Variants in SNCAIP observed in about 807,000 individuals in gnomAD.
The protein encoded by SNCAIP is synphilin-1.
In SNCAIP, 43 loss-of-function variants were observed where a neutral mutation model predicts 86.7. The observed-to-expected ratio is 0.50, with a 90% CI of 0.39 to 0.64. The LOEUF is 0.64. Ranked by LOEUF, SNCAIP falls within the 30% of genes least tolerant of loss-of-function variation. The pLI, the probability that SNCAIP is intolerant of heterozygous loss-of-function variation, is 0.00. For synonymous variants in SNCAIP, 417 were observed against 427.2 expected (o/e 0.98, Z 0.29); for missense variants, 981 against 1,103.1 (o/e 0.89, Z 1.57).
At chr5:122,327,448 ATAATCCC>A (rs573215732) in intron 1 of SNCAIP, among the ~76,000 whole-genome samples, 248 of 152,268 alleles carry the variant, frequency 1.6e-3, no homozygotes, top group Non-Finnish European at 2.3e-3. Flanking sequence ...ATCTTGAATT[ATAATCCC>A]TACATGTCAA....
chr5:122,447,898 G>A (rs528861741), intron 8 of SNCAIP, among the ~76,000 whole-genome samples: 34 of 152,240 alleles, frequency 2.2e-4, no homozygotes, highest in Non-Finnish European at 3.8e-4. Context: ...TTAAGAAAAA[G>A]TTTGCTTGCT....
chr5:122,446,130 G>A (rs1699601582), intron 8 of SNCAIP, among the ~76,000 whole-genome samples: 1 of 152,128 alleles, frequency 6.6e-6, no homozygotes, highest in South Asian at 2.1e-4. Flanking sequence ...AAGTCAGTAA[G>A]CTGTCTCCCC....
At position 122,378,637 on chromosome 5, in the gene SNCAIP, A is replaced by T. The variant is rs1243471066; in HGVS notation, c.-46-12452A>T. Among the ~76,000 whole-genome samples the T allele has an allele frequency of 2.9e-5, 4 of 136,670 alleles. 1 individual carries two copies. The highest frequency in any genetic ancestry group is 8.3e-5 in the African/African-American group (3 of 36,192). 89.7% of individuals were successfully genotyped at this position (136,670 alleles called of 152,430 possible). ...GCCCATGCCTATGTCCTGAATGGTA[A>T]TGCCTAGGTTTTCTTCTAGGGTTTT... On this transcript the variant is annotated intron_variant, in intron 1 of 10. Transcript: ENST00000261368.
chr5:122,411,470 C>G (rs1774101266), intron 3 of SNCAIP, among the ~76,000 whole-genome samples: 1 of 152,116 alleles, frequency 6.6e-6, no homozygotes, highest in Non-Finnish European at 1.5e-5. Flanking sequence ...AAAGCATACC[C>G]TTTTGCTTTT....
At chr5:122,381,990 C>T (rs954959095) in intron 1 of SNCAIP, among the ~76,000 whole-genome samples, 78 of 152,166 alleles carry the variant, frequency 5.1e-4, no homozygotes, top group African/African-American at 1.8e-3. Flanking sequence ...TCCTTCATTT[C>T]AACCTTGGTG....
At chr5:122,325,854 A>G (rs1383053949) in intron 1 of SNCAIP, among the ~76,000 whole-genome samples, 1 of 152,110 alleles carries the variant, frequency 6.6e-6, no homozygotes, top group African/African-American at 2.4e-5. Context: ...AATGAAACAG[A>G]GGTCAAGGGC....
intron 2 of SNCAIP, among the ~76,000 whole-genome samples, chr5:122,396,898 C>A (rs1456684174): frequency 1.3e-5 from 2 of 152,058 alleles, no homozygotes; most frequent in Non-Finnish European, 2.9e-5. Context: ...ATTCTTTTGT[C>A]ATTTGTAATT....
intron 3 of SNCAIP, among the ~76,000 whole-genome samples, chr5:122,413,292 T>C (rs1275189431): frequency 2.0e-5 from 3 of 152,242 alleles, no homozygotes; most frequent in Non-Finnish European, 2.9e-5. Flanking sequence ...CAATAACAGC[T>C]ACAGAACCTG....
intron 1 of SNCAIP, among the ~76,000 whole-genome samples, chr5:122,342,175 C>G (rs566377012): frequency 6.6e-6 from 1 of 152,172 alleles, no homozygotes; most frequent in South Asian, 2.1e-4. Flanking sequence ...TTTGGTTTCT[C>G]CCTTCTTCCT....
chr5:122,402,422 A>C (rs974283355), intron 2 of SNCAIP, among the ~76,000 whole-genome samples: 25 of 152,280 alleles, frequency 1.6e-4, no homozygotes, highest in African/African-American at 5.3e-4. Flanking sequence ...TTGCTAAAGC[A>C]CCTGTAGTCT....
At chr5:122,441,558 G>A in intron 7 of SNCAIP, among the ~76,000 whole-genome samples, 1 of 152,180 alleles carries the variant, frequency 6.6e-6, no homozygotes, top group Non-Finnish European at 1.5e-5. Context: ...GGGTTCCTAT[G>A]AGAAGAAGAG....
rs529025154 is a variant in SNCAIP at position 122,442,686 on chromosome 5, CTT to C, written c.1423-1874_1423-1873del. On this transcript the variant is annotated intron_variant, in intron 7 of 10. Coordinates refer to ENST00000261368, the MANE Select transcript of SNCAIP (RefSeq NM_005460.4). ...TAATATTTAATAGTCTTGAAACAAA[CTT>C]TTAAGCAGCTAAGAAATGACTAAAG... 7.9e-5 allele frequency among the ~76,000 whole-genome samples: 12 copies of C among 152,314 alleles called. No individual in the cohort carries two copies. In the East Asian group the frequency reaches 1.9e-3, roughly 24 times the overall value.
At chr5:122,391,337 T>C (rs757129399) in intron 2 of SNCAIP, 146 bp downstream of exon 2, 49 of 710,016 alleles carry the variant, frequency 6.9e-5, no homozygotes, top group Non-Finnish European at 1.1e-4. Context: ...GCAGACTCGG[T>C]GTGGTTTGGG....
intron 1 of SNCAIP, among the ~76,000 whole-genome samples, chr5:122,385,593 T>G (rs1261915297): frequency 6.6e-6 from 1 of 152,108 alleles, no homozygotes; most frequent in Admixed American, 6.6e-5. Flanking sequence ...TTGAAGAAAG[T>G]AAGCCCAATA....
At chr5:122,358,769 G>C (rs1761626742) in intron 1 of SNCAIP, among the ~76,000 whole-genome samples, 1 of 152,102 alleles carries the variant, frequency 6.6e-6, no homozygotes, top group Non-Finnish European at 1.5e-5. Context: ...TATCATACCG[G>C]ATTGGCAAGG....
chr5:122,334,279 A>G (rs1009698810), intron 1 of SNCAIP, among the ~76,000 whole-genome samples: 2 of 151,702 alleles, frequency 1.3e-5, no homozygotes, highest in South Asian at 2.1e-4. Flanking sequence ...GATAAAGAAA[A>G]AAAAAAAAAT....
At chr5:122,448,698 A>G (rs1446359288) in intron 8 of SNCAIP, among the ~76,000 whole-genome samples, 1 of 119,494 alleles carries the variant, frequency 8.4e-6, no homozygotes, top group Non-Finnish European at 1.8e-5. Flanking sequence ...TATTATATAT[A>G]TTATATACAT....
At chr5:122,459,748 C>T (rs1785669406) in intron 10 of SNCAIP, among the ~76,000 whole-genome samples, 1 of 152,120 alleles carries the variant, frequency 6.6e-6, no homozygotes, top group South Asian at 2.1e-4. Flanking sequence ...ATGACCAAAA[C>T]CTTCTTTTAA....
chr5:122,392,788 A>G (rs1374863548), intron 2 of SNCAIP, among the ~76,000 whole-genome samples: 1 of 152,232 alleles, frequency 6.6e-6, no homozygotes, highest in Admixed American at 6.5e-5. Context: ...TATATGTGAA[A>G]CACTTAGCTT....
Sources: gnomAD v4.1 joint callset for allele counts (sites outside exome capture counted in the v4.1 genomes callset) on GRCh38, gnomAD v4.1.1 for gene constraint, MANE v1.5 for transcripts, NCBI Gene and HGNC (gene_info 2026-07-23, HGNC 2026-07-21) for gene names.